The following NEK4 variants were observed in gnomAD, a reference collection of about 807,000 sequenced individuals.
The protein encoded by NEK4 is NIMA related kinase 4.
In NEK4, 86 loss-of-function variants were observed where a neutral mutation model predicts 98.4. The observed-to-expected ratio is 0.87, with a 90% CI of 0.73 to 1.05. NEK4 has a LOEUF of 1.05. Ranked by LOEUF, NEK4 falls within the 50% of genes least tolerant of loss-of-function variation. NEK4 has a pLI of 0.00. For missense variants in NEK4, 898 were observed against 950.3 expected (o/e 0.94, Z 0.72); for synonymous variants, 328 against 342.2 (o/e 0.96, Z 0.46).
chr3:52,765,808 C>A (rs1314531617), intron 4 of NEK4, 79 bp downstream of exon 4: 1 of 848,066 alleles, frequency 1.2e-6, no homozygotes, highest in Non-Finnish European at 2.0e-6. Context: ...TCATCAAAAT[C>A]ATCAATGATT....
Position 52,709,720 on chromosome 3 carries a change from A to G in NEK4, c.*2057T>C, listed in dbSNP as rs1282441572. On this transcript the variant is annotated 3_prime_UTR_variant, in exon 16 of 16. Transcript: ENST00000233027. ...TGTCTCAAAAAAAAAAAAAAAAAAA[A>G]AAGATATGGGTGAGATTCCTTTAAT... 6.6e-6 allele frequency: 1 copy of G among 151,394 alleles called. No individual in the cohort carries two copies. The highest frequency in any genetic ancestry group is 2.4e-5 in the African/African-American group (1 of 41,208). 9.4% of individuals were successfully genotyped at this position (151,394 alleles called of 1,614,324 possible).
At chr3:52,763,675 A>C (rs1202638966) in intron 4 of NEK4, 51 bp from the exon 5 acceptor site, 1 of 1,389,660 alleles carries the variant, frequency 7.2e-7, no homozygotes, top group Non-Finnish European at 9.9e-7. Flanking sequence ...TGTGAAACAA[A>C]GTAAAAGCTG....
At position 52,743,330 on chromosome 3, in the gene NEK4, C is replaced by G. The variant is rs1474604883; in HGVS notation, c.2004+22G>C. ...GCCAGATGTAGACTGTCCACCTTCT[C>G]TCTTAGGAGTACGTAATGCACCTGA... On this transcript the variant is annotated intron_variant, in intron 12 of 15. Transcript: ENST00000233027. The G allele has an allele frequency of 1.2e-5, 19 of 1,587,066 alleles. 1 individual carries two copies. In the Middle Eastern group the frequency reaches 2.8e-3, roughly 236 times the overall value.
chr3:52,713,650 C>T (rs939934509), intron 15 of NEK4, among the ~76,000 whole-genome samples: 9 of 152,042 alleles, frequency 5.9e-5, no homozygotes, highest in East Asian at 3.9e-4. Flanking sequence ...CAAAATTAGC[C>T]GGGCATGGTG....
At position 52,731,379 on chromosome 3, in the gene NEK4, A is replaced by G. The variant is rs374133831; in HGVS notation, c.2433+6207T>C. Among the ~76,000 whole-genome samples the G allele has an allele frequency of 9.2e-4, 140 of 152,370 alleles. 3 individuals are homozygous for G. In the South Asian group the frequency reaches 0.024, roughly 26 times the overall value. Reference sequence around the variant, plus strand: ...ATAACCAAAACAATCTTGAGAAAGAATAATAGTGGAGGACTCATCCTTCCT... The same window carrying G: ...ATAACCAAAACAATCTTGAGAAAGAGTAATAGTGGAGGACTCATCCTTCCT... On this transcript the variant is annotated intron_variant, in intron 15 of 15. Transcript: ENST00000233027.
intron 15 of NEK4, among the ~76,000 whole-genome samples, chr3:52,735,841 GTTGT>G (rs979270853): frequency 3.9e-5 from 6 of 152,312 alleles, no homozygotes; most frequent in Admixed American, 1.3e-4. Flanking sequence ...TCCTGAAGGA[GTTGT>G]TTGTTTCTGA....
chr3:52,750,573 T>C (rs1160211330), intron 7 of NEK4, among the ~76,000 whole-genome samples: 2 of 151,850 alleles, frequency 1.3e-5, no homozygotes, highest in African/African-American at 2.4e-5. Context: ...TGTGTGTGTA[T>C]ACACACACAT....
chr3:52,753,723 C>T (rs2097409606), intron 6 of NEK4: 3 of 568,142 alleles, frequency 5.3e-6, no homozygotes, highest in Middle Eastern at 5.8e-4. Context: ...GGCATGCATG[C>T]TTCCTACAGA....
chr3:52,766,508 C>T (rs984667416), intron 2 of NEK4, 133 bp from the exon 3 acceptor site: 86 of 637,082 alleles, frequency 1.3e-4, no homozygotes, highest in Non-Finnish European at 2.1e-4. Flanking sequence ...CATACAATTC[C>T]TTATTCAACA....
intron 11 of NEK4, 51 bp from the exon 12 acceptor site, chr3:52,743,512 G>GA: frequency 1.4e-6 from 2 of 1,404,722 alleles, no homozygotes; most frequent in African/African-American, 1.4e-5. Flanking sequence ...TGCCCCAGTT[G>GA]AAAAGGGCTT....
At chr3:52,761,145 G>A (rs1698340209) in intron 5 of NEK4, among the ~76,000 whole-genome samples, 1 of 152,118 alleles carries the variant, frequency 6.6e-6, no homozygotes, top group Non-Finnish European at 1.5e-5. Flanking sequence ...TAAACAAAGT[G>A]AGAAACAATC....
chr3:52,747,671 G>A (rs937772186), intron 8 of NEK4, among the ~76,000 whole-genome samples: 1 of 151,818 alleles, frequency 6.6e-6, no homozygotes, highest in East Asian at 1.9e-4. Flanking sequence ...GAAGCTGAGT[G>A]TGGTAGCCCA....
At chr3:52,744,139 C>T in intron 11 of NEK4, 100 bp downstream of exon 11, 1 of 821,602 alleles carries the variant, frequency 1.2e-6, no homozygotes, top group Non-Finnish European at 2.1e-6. Context: ...TGTTTTACTG[C>T]TGCTGGAAAG....
chr3:52,742,647 T>C (rs564986311), intron 12 of NEK4, among the ~76,000 whole-genome samples: 2 of 152,234 alleles, frequency 1.3e-5, no homozygotes, highest in Middle Eastern at 3.4e-3. Context: ...GTAAACTACA[T>C]TGACACAAAT....
At chr3:52,766,949 G>A (rs1007271841) in intron 2 of NEK4, among the ~76,000 whole-genome samples, 5 of 151,922 alleles carry the variant, frequency 3.3e-5, no homozygotes, top group East Asian at 1.9e-4. Flanking sequence ...TTGCGCCACT[G>A]CAGTCCGTAG....
At chr3:52,756,592 T>C (rs1002941176) in intron 6 of NEK4, among the ~76,000 whole-genome samples, 11 of 152,040 alleles carry the variant, frequency 7.2e-5, no homozygotes, top group Non-Finnish European at 1.5e-4. Context: ...ACACCATATA[T>C]AAAAATTAAC....
intron 15 of NEK4, among the ~76,000 whole-genome samples, chr3:52,714,987 A>G (rs1175794440): frequency 6.6e-6 from 1 of 152,310 alleles, no homozygotes; most frequent in East Asian, 1.9e-4. Context: ...GCAGCTTGGC[A>G]CTGGCCTGCA....
rs2097348770 is a variant in NEK4 at position 52,709,993 on chromosome 3, G to A, written c.*1784C>T. ...AGGCTGTGAGCACTGTAAAAGGGCA[G>A]GAAGTATTGTTTTATTCACCACTAT... On this transcript the variant is annotated 3_prime_UTR_variant, in exon 16 of 16. Coordinates refer to ENST00000233027, the MANE Select transcript of NEK4 (RefSeq NM_003157.6). 6.6e-6 allele frequency: 1 copy of A among 152,184 alleles called. No individual in the cohort carries two copies. Among genetic ancestry groups the A allele is most frequent in the African/African-American group, 2.4e-5 (1 of 41,438 alleles). The allele number at this position is 152,184 out of a possible 1,614,324, so 9.4% of individuals were successfully genotyped here. A position where few individuals can be genotyped will look rare whatever the true frequency, so the allele number is the denominator to read the frequency against.
In NEK4 at chr3:52,760,917, T is replaced by A. The variant is rs762586566; in HGVS notation, c.841A>T (p.Ile281Phe). The A allele has an allele frequency of 1.3e-6, 2 of 1,583,696 alleles. No homozygotes were observed. Among genetic ancestry groups the A allele is most frequent in the Non-Finnish European group, 1.7e-6 (2 of 1,165,274 alleles). ...ATKIKTSKNN[I>F]KNGDSQSKPF... ...TTGGATTGAGAGTCACCATTTTTAA[T>A]GTTATTTTTGGAGGTTTTTCTTTAT... The change falls in exon 6 of 16, where the codon ATT (isoleucine) becomes TTT (phenylalanine). Residue 281 changes from isoleucine (I) to phenylalanine (F), a missense_variant. Coordinates refer to ENST00000233027, the MANE Select transcript of NEK4 (RefSeq NM_003157.6).
Sources: gnomAD v4.1 joint callset for allele counts (sites outside exome capture counted in the v4.1 genomes callset) on GRCh38, gnomAD v4.1.1 for gene constraint, MANE v1.5 for transcripts, NCBI Gene and HGNC (gene_info 2026-07-23, HGNC 2026-07-21) for gene names.